The following USP50 variants were observed in gnomAD, a reference collection of about 807,000 sequenced individuals.
USP50 encodes the protein ubiquitin carboxyl-terminal hydrolase 50.
USP50 carries 37 observed loss-of-function variants against 39.2 expected under a neutral mutation model. That is an observed-to-expected ratio of 0.94 (90% CI 0.73 to 1.24). The LOEUF (loss-of-function observed/expected upper bound fraction) is 1.24, where lower values mean the gene tolerates loss of function less well. Among genes scored for constraint, USP50 ranks in the 50% most tolerant of loss-of-function variants. The pLI is 0.00. For synonymous variants in USP50, 139 were observed against 144.5 expected, an observed-to-expected ratio of 0.96 and a Z score of 0.27; for missense variants, 374 against 398.2, an observed-to-expected ratio of 0.94 and a Z score of 0.52.
chr15:50,503,782 C>T (rs1310984859), intron 6 of USP50: 1 of 152,142 alleles, frequency 6.6e-6, no homozygotes, highest in East Asian at 1.9e-4. Flanking sequence ...TTAACTCAGA[C>T]CTAACAGGAT....
intron 5 of USP50, among the ~76,000 whole-genome samples, chr15:50,530,570 C>T (rs975347425): frequency 5.9e-5 from 9 of 151,448 alleles, no homozygotes; most frequent in Middle Eastern, 3.4e-3. Context: ...GGTGACAGAG[C>T]GAGACTCCTT....
chr15:50,508,233 A>G (rs2052690763), intron 6 of USP50: 1 of 152,220 alleles, frequency 6.6e-6, no homozygotes, highest in Non-Finnish European at 1.5e-5. Flanking sequence ...TTATAAAAGT[A>G]AAACACTTAG....
downstream of USP50, chr15:50,499,908 A>T (rs2052549679): frequency 6.6e-6 from 1 of 152,164 alleles, no homozygotes; most frequent in South Asian, 2.1e-4. Context: ...GTATTCTCAC[A>T]TATTGAGAAT....
In USP50 at chr15:50,520,625, CA is replaced by C. The variant is rs200179903; in HGVS notation, c.936+9171del. Among the ~76,000 whole-genome samples the C allele has an allele frequency of 4.0e-5, 6 of 150,868 alleles. No homozygotes were observed. The East Asian group carries it at 7.8e-4, about 20-fold the overall frequency. Reference sequence around the variant, plus strand: ...GACTCTGTCTCTTCCCCGCCCCCGCCAAAAAAAAGGAATATTCTTCATTCCT... The same window carrying C: ...GACTCTGTCTCTTCCCCGCCCCCGCCAAAAAAAGGAATATTCTTCATTCCT... On this transcript the variant is annotated intron_variant, in intron 6 of 6. Transcript: ENST00000532404.
At chr15:50,507,747 A>G (rs2052681226) in intron 6 of USP50, 1 of 152,182 alleles carries the variant, frequency 6.6e-6, no homozygotes, top group South Asian at 2.1e-4. Context: ...GACTCCTGAA[A>G]TAGAAGTGCA....
intron 6 of USP50, chr15:50,502,059 A>G (rs1466288304): frequency 1.3e-5 from 2 of 152,198 alleles, no homozygotes; most frequent in East Asian, 1.9e-4. Context: ...CTTTAACAGA[A>G]TAAGTTTGCT....
At chr15:50,493,495 G>C (rs1209744172), downstream of USP50, 1 of 518,598 alleles carries the variant, frequency 1.9e-6, no homozygotes, top group African/African-American at 1.9e-5. Flanking sequence ...GCTCACACTG[G>C]TAATCCTAGC....
At chr15:50,534,515 A>G (rs1363502879) in intron 5 of USP50, among the ~76,000 whole-genome samples, 1 of 152,230 alleles carries the variant, frequency 6.6e-6, no homozygotes, top group Non-Finnish European at 1.5e-5. Flanking sequence ...AACGGCATCA[A>G]CAATCACTTT....
intron 2 of USP50, 116 bp downstream of exon 2, chr15:50,544,471 A>G (rs1239165427): frequency 1.1e-6 from 1 of 948,846 alleles, no homozygotes; most frequent in East Asian, 2.7e-5. Context: ...GGAAGCTACA[A>G]CCTCTACTGA....
downstream of USP50, chr15:50,498,393 A>G: frequency 1.7e-6 from 1 of 590,970 alleles, no homozygotes; most frequent in Non-Finnish European, 2.7e-6. Flanking sequence ...GCACATCATT[A>G]AATATCCATA....
At chr15:50,520,305 C>CT (rs556404133) in intron 6 of USP50, among the ~76,000 whole-genome samples, 39,073 of 144,678 alleles carry the variant, frequency 0.27, 5,461 homozygotes, top group Admixed American at 0.36. Flanking sequence ...GAGAGAGACC[C>CT]TTTTTTTTTT....
In USP50 at chr15:50,529,929, C is replaced by T; in HGVS notation, c.804G>A (p.Arg268=). Residue 268 remains arginine, a splice_region_variant and synonymous_variant, in exon 6 of 7, where the codon AGG becomes AGA. Coordinates refer to ENST00000532404, the MANE Select transcript of USP50 (RefSeq NM_203494.5). ...APKIIIFHLK[R]FDIQGTTKRK... ...TTTTTGTTGTACCCTGAATGTCAAA[C>T]CTGCAGGTATAATAAATGTGTGAAA... 5.6e-6 allele frequency: 9 copies of T among 1,613,486 alleles called. No homozygotes were observed. Among genetic ancestry groups the T allele is most frequent in the Non-Finnish European group, 7.6e-6 (9 of 1,179,766 alleles).
chr15:50,515,133 G>A (rs930722834), intron 6 of USP50, among the ~76,000 whole-genome samples: 3 of 151,670 alleles, frequency 2.0e-5, no homozygotes, highest in African/African-American at 7.3e-5. Flanking sequence ...AAGACCAGAT[G>A]GTTTTCCTGT....
At chr15:50,499,099 GT>G, downstream of USP50, 1 of 1,571,022 alleles carries the variant, frequency 6.4e-7, no homozygotes, top group Admixed American at 1.9e-5. Context: ...GGAGACATAG[GT>G]TATAAACTAG....
At chr15:50,493,677 C>G (rs2052264676), downstream of USP50, 1 of 371,538 alleles carries the variant, frequency 2.7e-6, no homozygotes. Flanking sequence ...CCCAGAAGGT[C>G]AAGGCTGCAG....
chr15:50,540,359 A>G (rs1463445669), intron 4 of USP50, among the ~76,000 whole-genome samples: 1 of 152,220 alleles, frequency 6.6e-6, no homozygotes. Context: ...CTAAGAGTCT[A>G]GAATGTTTTA....
chr15:50,498,596 T>G, downstream of USP50: 1 of 1,606,336 alleles, frequency 6.2e-7, no homozygotes, highest in Non-Finnish European at 8.5e-7. Flanking sequence ...TGTTCTGCAG[T>G]TTTTCCTACG....
At chr15:50,525,500 ATG>A (rs914307459) in intron 6 of USP50, among the ~76,000 whole-genome samples, 16 of 145,298 alleles carry the variant, frequency 1.1e-4, no homozygotes, top group African/African-American at 2.8e-4. Flanking sequence ...GTATATATGT[ATG>A]TGTGTGTATA....
rs372871627 is a variant in USP50, at chr15:50,524,892, CA to C, written c.936+4904del. Among the ~76,000 whole-genome samples the C allele has an allele frequency of 2.8e-3, 412 of 145,018 alleles. 2 individuals carry two copies. The highest frequency in any genetic ancestry group is 9.4e-3 in the African/African-American group (373 of 39,596). ...CAGTCTTTAAAAACAATAACATCAA[CA>C]AAAAAAAAACCCTACCACCAGCAAT... On this transcript the variant is annotated intron_variant, in intron 6 of 6. Coordinates refer to ENST00000532404, the MANE Select transcript of USP50 (RefSeq NM_203494.5).
Sources: gnomAD v4.1 joint callset for allele counts (sites outside exome capture counted in the v4.1 genomes callset) on GRCh38, gnomAD v4.1.1 for gene constraint, MANE v1.5 for transcripts, NCBI Gene and HGNC (gene_info 2026-07-23, HGNC 2026-07-21) for gene names.